Variants in NFYC observed in about 807,000 individuals in gnomAD.
NFYC encodes CAAT box DNA-binding protein subunit C.
A neutral mutation model predicts 53.1 loss-of-function variants in NFYC; 25 were observed. The observed-to-expected ratio is 0.47, with a 90% CI of 0.34 to 0.66. NFYC has a LOEUF of 0.66. Among genes scored for constraint, NFYC ranks in the 30% least tolerant of loss-of-function variants. NFYC has a pLI of 0.01. For missense variants in NFYC, 260 were observed against 422.7 expected (o/e 0.62, Z 3.38); for synonymous variants, 145 against 152.6 (o/e 0.95, Z 0.37).
At chr1:40,750,031 C>T (rs28390241) in intron 4 of NFYC, among the ~76,000 whole-genome samples, 47,504 of 152,140 alleles carry the variant, frequency 0.31, 8,094 homozygotes, top group East Asian at 0.41. Flanking sequence ...TGTTTCCAAA[C>T]GTAATCAACT....
At chr1:40,730,725 A>C in intron 1 of NFYC, 1 of 224,666 alleles carries the variant, frequency 4.5e-6, no homozygotes, top group African/African-American at 2.3e-5. Flanking sequence ...GGAACATTAA[A>C]GGGGAATGAT....
chr1:40,704,328 C>A (rs1643590920), intron 1 of NFYC, among the ~76,000 whole-genome samples: 1 of 152,206 alleles, frequency 6.6e-6, no homozygotes, highest in African/African-American at 2.4e-5. Flanking sequence ...CCCTCAGCCT[C>A]CCAAAGTGCT....
chr1:40,731,571 A>G (rs1181525684), intron 1 of NFYC, among the ~76,000 whole-genome samples: 1 of 151,314 alleles, frequency 6.6e-6, no homozygotes, highest in Non-Finnish European at 1.5e-5. Flanking sequence ...TGCAGCCTCC[A>G]CCTCCTGGAT....
chr1:40,767,958 AGAGT>A (rs1337101851), intron 8 of NFYC, among the ~76,000 whole-genome samples: 1 of 152,206 alleles, frequency 6.6e-6, no homozygotes, highest in Non-Finnish European at 1.5e-5. Flanking sequence ...CCTGGGCGAC[AGAGT>A]GAGACTCTGT....
At chr1:40,726,107 T>TTGTGTG (rs34878179) in intron 1 of NFYC, among the ~76,000 whole-genome samples, 11 of 101,882 alleles carry the variant, frequency 1.1e-4, no homozygotes, top group Non-Finnish European at 2.3e-4. Context: ...GTGTATGTGT[T>TTGTGTG]TGTGTGTGTG....
At position 40,757,601 on chromosome 1, in the gene NFYC, T is replaced by C. The variant is rs566359976; in HGVS notation, c.388-520T>C. 9.8e-4 allele frequency among the ~76,000 whole-genome samples: 149 copies of C among 152,312 alleles called. 1 individual carries two copies. Among genetic ancestry groups the C allele is most frequent in the African/African-American group, 3.5e-3 (144 of 41,568 alleles). ...AAGCTGGGTACTTGCCTACCAGTGCTCTCGATCCTGAAATTTCAGCTCAGG... is the reference window on the plus strand; with the variant it reads ...AAGCTGGGTACTTGCCTACCAGTGCCCTCGATCCTGAAATTTCAGCTCAGG... On this transcript the variant is annotated intron_variant, in intron 5 of 9. Coordinates refer to ENST00000447388, the MANE Select transcript of NFYC (RefSeq NM_014223.5).
chr1:40,733,739 AT>A (rs886440251), intron 1 of NFYC, among the ~76,000 whole-genome samples: 25 of 144,204 alleles, frequency 1.7e-4, no homozygotes, highest in African/African-American at 5.1e-4. Context: ...CTATTTAAAA[AT>A]TTTTTTTTTA....
At chr1:40,743,171 A>G (rs1645441067) in intron 2 of NFYC, among the ~76,000 whole-genome samples, 1 of 152,256 alleles carries the variant, frequency 6.6e-6, no homozygotes, top group Admixed American at 6.5e-5. Flanking sequence ...ACTGGCCTCA[A>G]GTCCTTTTGG....
intron 1 of NFYC, among the ~76,000 whole-genome samples, chr1:40,724,205 CA>C (rs1301194873): frequency 2.0e-5 from 3 of 152,006 alleles, no homozygotes; most frequent in Non-Finnish European, 4.4e-5. Context: ...CCCGTCTCTT[CA>C]AAAATACAAA....
In NFYC at chr1:40,696,154, G is replaced by C. The variant is rs182908779; in HGVS notation, c.-9+4287G>C. Among the ~76,000 whole-genome samples, 497 of 151,868 alleles carry C rather than the reference G, an allele frequency of 3.3e-3. 1 individual carries two copies. The highest frequency in any genetic ancestry group is 5.0e-3 in the Non-Finnish European group (340 of 67,998). On this transcript the variant is annotated intron_variant, in intron 1 of 9. Transcript: ENST00000447388. ...TTCTCTTGCCTCAGCCTCCTGAGTA[G>C]CTGGGATTATAGACGCCCGCCACCA...
At chr1:40,731,245 G>A (rs1387958215) in intron 1 of NFYC, among the ~76,000 whole-genome samples, 2 of 152,106 alleles carry the variant, frequency 1.3e-5, no homozygotes, top group Non-Finnish European at 2.9e-5. Flanking sequence ...CATGATCTTG[G>A]TTCACTGCAA....
rs1570780127 is a variant in NFYC, at chr1:40,771,261, A to G, written c.*433A>G. On this transcript the variant is annotated 3_prime_UTR_variant, in exon 10 of 10. Transcript: ENST00000447388. ...ACTCTGGGAACAGCTGCTACCCCCA[A>G]GACTTGCCACGTTGTTCTGCCCTCA... The G allele has an allele frequency of 6.0e-6, 2 of 330,662 alleles. No individual in the cohort carries two copies. The highest frequency in any genetic ancestry group is 1.2e-5 in the Non-Finnish European group (2 of 165,936). 20.5% of individuals were successfully genotyped at this position (330,662 alleles called of 1,614,324 possible).
chr1:40,747,357 A>T (rs1645668153), intron 2 of NFYC, among the ~76,000 whole-genome samples, 177 bp from the exon 3 acceptor site: 1 of 151,642 alleles, frequency 6.6e-6, no homozygotes. Flanking sequence ...TGCATATGTT[A>T]AGTAAAGAAG....
At chr1:40,705,756 T>C (rs1358553078) in intron 1 of NFYC, among the ~76,000 whole-genome samples, 1 of 152,220 alleles carries the variant, frequency 6.6e-6, no homozygotes, top group Non-Finnish European at 1.5e-5. Context: ...TTTATTTATT[T>C]ATTTACTTGA....
At chr1:40,717,553 A>G (rs1027895059) in intron 1 of NFYC, among the ~76,000 whole-genome samples, 3 of 152,196 alleles carry the variant, frequency 2.0e-5, no homozygotes, top group Non-Finnish European at 4.4e-5. Flanking sequence ...TTATCAGCTC[A>G]TAGGTTAAAT....
chr1:40,708,236 C>A (rs1398597138), intron 1 of NFYC, among the ~76,000 whole-genome samples: 1 of 152,196 alleles, frequency 6.6e-6, no homozygotes, highest in Non-Finnish European at 1.5e-5. Flanking sequence ...ATTGCTTGAG[C>A]CCAGGAGTTT....
chr1:40,724,066 C>A (rs1338531841), intron 1 of NFYC, among the ~76,000 whole-genome samples: 1 of 152,096 alleles, frequency 6.6e-6, no homozygotes, highest in Non-Finnish European at 1.5e-5. Context: ...TTAGCATGAA[C>A]AGACAATATA....
At chr1:40,696,870 A>G (rs528787672) in intron 1 of NFYC, among the ~76,000 whole-genome samples, 3 of 152,314 alleles carry the variant, frequency 2.0e-5, no homozygotes, top group South Asian at 2.1e-4. Context: ...TCATGCATGC[A>G]CTGTCACAGT....
At chr1:40,754,353 C>T (rs1363805844) in intron 5 of NFYC, 1 of 534,434 alleles carries the variant, frequency 1.9e-6, no homozygotes, top group Non-Finnish European at 3.8e-6. Flanking sequence ...TCCGTTCTTT[C>T]TGGGCAGTCT....
Sources: gnomAD v4.1 joint callset for allele counts (sites outside exome capture counted in the v4.1 genomes callset) on GRCh38, gnomAD v4.1.1 for gene constraint, MANE v1.5 for transcripts, NCBI Gene and HGNC (gene_info 2026-07-23, HGNC 2026-07-21) for gene names.